NRG3: variants seen among roughly 807,000 people sequenced by gnomAD.
The protein encoded by NRG3 is pro-neuregulin-3, membrane-bound isoform.
A neutral mutation model predicts 66.9 loss-of-function variants in NRG3; 31 were observed. That is an observed-to-expected ratio of 0.46 (90% CI 0.35 to 0.63). The LOEUF (loss-of-function observed/expected upper bound fraction) is 0.63. NRG3 is among the 20% of genes least tolerant of loss of function. NRG3 has a pLI of 0.00. For synonymous variants in NRG3, 393 were observed against 359.4 expected (o/e 1.09, Z -1.06); for missense variants, 910 against 878.9 (o/e 1.04, Z -0.45).
chr10:82,011,370 A>G (rs1324622276), intron 1 of NRG3, among the ~76,000 whole-genome samples: 1 of 152,260 alleles, frequency 6.6e-6, no homozygotes, highest in Non-Finnish European at 1.5e-5. Flanking sequence ...ACCCTTGACA[A>G]ATGGGATTAT....
chr10:82,650,411 C>G (rs902587545), intron 2 of NRG3, among the ~76,000 whole-genome samples: 1 of 152,070 alleles, frequency 6.6e-6, no homozygotes, highest in Non-Finnish European at 1.5e-5. Flanking sequence ...TTTATAGCAT[C>G]TCACTAAGAA....
chr10:82,034,678 T>C (rs2062717643), intron 1 of NRG3, among the ~76,000 whole-genome samples: 1 of 120,430 alleles, frequency 8.3e-6, no homozygotes, highest in East Asian at 2.4e-4. Flanking sequence ...TTTATCTGCA[T>C]TTGTTCATCC....
chr10:82,005,765 A>G (rs896396686), intron 1 of NRG3, among the ~76,000 whole-genome samples: 6 of 152,168 alleles, frequency 3.9e-5, no homozygotes, highest in Non-Finnish European at 8.8e-5. Flanking sequence ...CACGTTTAGC[A>G]TGTTGTGCTG....
intron 3 of NRG3, among the ~76,000 whole-genome samples, chr10:82,744,263 G>A (rs968010627): frequency 4.6e-5 from 7 of 152,030 alleles, no homozygotes; most frequent in Non-Finnish European, 1.0e-4. Context: ...AATCCATTTG[G>A]GATGCTATGA....
At position 82,301,732 on chromosome 10, in the gene NRG3, T is replaced by C. The variant is rs541128914; in HGVS notation, c.824-57007T>C. 1.4e-4 allele frequency among the ~76,000 whole-genome samples: 20 copies of C among 142,072 alleles called. No homozygotes were observed. The East Asian group carries it at 2.2e-3, about 15-fold the overall frequency. 93.2% of individuals were successfully genotyped at this position (142,072 alleles called of 152,430 possible). On this transcript the variant is annotated intron_variant, in intron 1 of 8. Transcript: ENST00000372141. The stretch of plus-strand genomic sequence containing the variant: ...TGTAAATAGTTGCCTTTATTTTTAA[T>C]AAAGAAGCACTTTACCCTGATTGTA...
At chr10:82,188,119 C>T (rs1051297825) in intron 1 of NRG3, among the ~76,000 whole-genome samples, 1 of 152,046 alleles carries the variant, frequency 6.6e-6, no homozygotes, top group Non-Finnish European at 1.5e-5. Flanking sequence ...AAGACACAGA[C>T]ATCAAAGGAA....
intron 2 of NRG3, among the ~76,000 whole-genome samples, chr10:82,379,028 G>A (rs898907225): frequency 3.9e-5 from 6 of 152,046 alleles, no homozygotes; most frequent in African/African-American, 9.7e-5. Flanking sequence ...CTAATTGGGC[G>A]CAGGCAGCCA....
chr10:81,995,815 C>T (rs1184454528), intron 1 of NRG3, among the ~76,000 whole-genome samples: 1 of 152,182 alleles, frequency 6.6e-6, no homozygotes, highest in African/African-American at 2.4e-5. Context: ...GGTTCTTCAT[C>T]AGTACCTTTT....
At chr10:81,877,740 G>T in intron 1 of NRG3, 1 of 1,366,290 alleles carries the variant, frequency 7.3e-7, no homozygotes, top group Admixed American at 3.4e-5. Context: ...AGTAGAGCCA[G>T]TAACTTGCTG....
intron 1 of NRG3, among the ~76,000 whole-genome samples, chr10:81,907,344 C>T (rs529846244): frequency 6.6e-6 from 1 of 152,240 alleles, no homozygotes; most frequent in East Asian, 1.9e-4. Context: ...AAGCTCAAAG[C>T]TCTGTTTTTA....
intron 1 of NRG3, among the ~76,000 whole-genome samples, chr10:82,213,217 C>T (rs1052411216): frequency 4.6e-5 from 7 of 152,092 alleles, no homozygotes; most frequent in African/African-American, 9.7e-5. Flanking sequence ...ATTTCTAATA[C>T]GGGTTTATTT....
chr10:82,474,478 TTCA>T (rs1289430031), intron 2 of NRG3, among the ~76,000 whole-genome samples: 14 of 152,042 alleles, frequency 9.2e-5, no homozygotes, highest in African/African-American at 2.4e-5. Context: ...AACTGAAAAT[TTCA>T]CTAGAAGGGT....
intron 1 of NRG3, among the ~76,000 whole-genome samples, chr10:82,093,070 T>A (rs550893722): frequency 6.6e-6 from 1 of 152,326 alleles, no homozygotes; most frequent in African/African-American, 2.4e-5. Context: ...ACTCTTCTTG[T>A]CAAGGTCTAA....
chr10:82,179,083 A>G (rs1000658789), intron 1 of NRG3, among the ~76,000 whole-genome samples: 1 of 152,086 alleles, frequency 6.6e-6, no homozygotes, highest in African/African-American at 2.4e-5. Context: ...TTCAAATCAG[A>G]TAATTGGAGC....
intron 1 of NRG3, among the ~76,000 whole-genome samples, chr10:82,085,011 A>G (rs1035180664): frequency 2.0e-5 from 3 of 152,152 alleles, no homozygotes; most frequent in Admixed American, 6.5e-5. Flanking sequence ...TGATTGCCTC[A>G]GGAACAAATA....
intron 1 of NRG3, among the ~76,000 whole-genome samples, chr10:82,196,426 G>A (rs565949120): frequency 1.1e-3 from 166 of 152,250 alleles, no homozygotes; most frequent in Non-Finnish European, 2.1e-3. Context: ...TGAAGCACTA[G>A]AAAGTACACT....
In NRG3 at chr10:82,303,081, G is replaced by A. The variant is rs139597266; in HGVS notation, c.824-55658G>A. 5.3e-3 allele frequency among the ~76,000 whole-genome samples: 808 copies of A among 152,082 alleles called. 4 individuals carry two copies. Among genetic ancestry groups the A allele is most frequent in the Middle Eastern group, 0.02 (6 of 294 alleles). On this transcript the variant is annotated intron_variant, in intron 1 of 8. Coordinates refer to ENST00000372141, the MANE Select transcript of NRG3 (RefSeq NM_001010848.4). ...TCAAACACATATCTCTCTACTATTA[G>A]ATGGAAATATCTCTATTTTCTTCAC... is the stretch of plus-strand genomic sequence containing the variant.
In NRG3 at chr10:81,995,784, A is replaced by G. The variant is rs564095279; in HGVS notation, c.823+119621A>G. Among the ~76,000 whole-genome samples the G allele has an allele frequency of 2.0e-4, 30 of 152,308 alleles. 1 individual carries two copies. The South Asian group carries it at 6.0e-3, about 31-fold the overall frequency. ...TGTGGGTCTTCAATATTCTAGTCCT[A>G]CAGAATTCCTTGTACTTTCTGGTTC... On this transcript the variant is annotated intron_variant, in intron 1 of 8. Transcript: ENST00000372141.
At chr10:82,562,467 A>G (rs1330732402) in intron 2 of NRG3, among the ~76,000 whole-genome samples, 2 of 152,180 alleles carry the variant, frequency 1.3e-5, no homozygotes, top group African/African-American at 2.4e-5. Flanking sequence ...TGATATAAAT[A>G]TTTTTGATAA....
Sources: gnomAD v4.1 joint callset for allele counts (sites outside exome capture counted in the v4.1 genomes callset) on GRCh38, gnomAD v4.1.1 for gene constraint, MANE v1.5 for transcripts, NCBI Gene and HGNC (gene_info 2026-07-23, HGNC 2026-07-21) for gene names.